Variants in TSNARE1 observed in about 807,000 individuals in gnomAD.
TSNARE1 encodes t-SNARE domain-containing protein 1.
TSNARE1 carries 49 observed loss-of-function variants against 62.0 expected under a neutral mutation model. The ratio of observed to expected loss-of-function variants is 0.79; its 90% confidence interval spans 0.63 to 1.00. TSNARE1 has a LOEUF of 1.00. TSNARE1 is among the 50% of genes least tolerant of loss of function. TSNARE1 has a pLI of 0.00. For missense variants in TSNARE1, 755 were observed against 700.1 expected (o/e 1.08, Z -0.88); for synonymous variants, 328 against 294.4 (o/e 1.11, Z -1.17).
intron 1 of TSNARE1, among the ~76,000 whole-genome samples, chr8:142,369,233 C>T (rs1406055481): frequency 6.6e-6 from 1 of 152,092 alleles, no homozygotes; most frequent in African/African-American, 2.4e-5. Flanking sequence ...CCACCTTGAA[C>T]CCAAAGTAGC....
At chr8:142,217,171 G>A (rs186116603) in intron 13 of TSNARE1, among the ~76,000 whole-genome samples, 1 of 152,046 alleles carries the variant, frequency 6.6e-6, no homozygotes, top group Non-Finnish European at 1.5e-5. Flanking sequence ...TGAACCCTGG[G>A]AGGTGGAGGT....
chr8:142,359,095 C>A (rs1010537228), intron 1 of TSNARE1, among the ~76,000 whole-genome samples: 1 of 152,114 alleles, frequency 6.6e-6, no homozygotes, highest in Non-Finnish European at 1.5e-5. Context: ...TTCACCCAGG[C>A]TGTTACTCGG....
intron 11 of TSNARE1, chr8:142,278,282 C>A: frequency 1.0e-6 from 1 of 985,466 alleles, no homozygotes; most frequent in Non-Finnish European, 1.2e-6. Flanking sequence ...CCTCATGCAC[C>A]GCTGTGAGCA....
chr8:142,249,786 C>T (rs1457398825), intron 12 of TSNARE1, among the ~76,000 whole-genome samples: 9 of 152,198 alleles, frequency 5.9e-5, no homozygotes, highest in African/African-American at 2.2e-4. Context: ...CCTCCCTCTC[C>T]CTCACTACCT....
intron 13 of TSNARE1, among the ~76,000 whole-genome samples, chr8:142,216,625 G>T (rs910042778): frequency 6.6e-6 from 1 of 152,168 alleles, no homozygotes; most frequent in African/African-American, 2.4e-5. Flanking sequence ...CGGGGCACAG[G>T]GCTCTGCCTC....
At chr8:142,250,277 TGGG>T (rs1563776293) in intron 12 of TSNARE1, among the ~76,000 whole-genome samples, 1 of 152,040 alleles carries the variant, frequency 6.6e-6, no homozygotes, top group Non-Finnish European at 1.5e-5. Context: ...TTGGGGGACA[TGGG>T]GGAGCTCTTC....
chr8:142,371,919 T>A (rs1431505666), intron 1 of TSNARE1, among the ~76,000 whole-genome samples: 1 of 152,144 alleles, frequency 6.6e-6, no homozygotes, highest in Non-Finnish European at 1.5e-5. Flanking sequence ...TTTTGTACCA[T>A]GGGGCAGAGC....
At chr8:142,245,915 A>G (rs1257580813) in intron 12 of TSNARE1, among the ~76,000 whole-genome samples, 1 of 152,186 alleles carries the variant, frequency 6.6e-6, no homozygotes, top group Non-Finnish European at 1.5e-5. Context: ...CTCATGCAAC[A>G]ACAATACTGA....
At chr8:142,254,003 CAG>C (rs1563779335) in intron 12 of TSNARE1, among the ~76,000 whole-genome samples, 2 of 152,240 alleles carry the variant, frequency 1.3e-5, no homozygotes, top group Non-Finnish European at 2.9e-5. Context: ...AAGCCTTTTC[CAG>C]AAGACAGAAA....
chr8:142,323,293 G>A (rs1003651455), intron 6 of TSNARE1, among the ~76,000 whole-genome samples: 2 of 152,220 alleles, frequency 1.3e-5, no homozygotes, highest in African/African-American at 4.8e-5. Context: ...AGGGGTATGA[G>A]AGGAGGAGAT....
rs143626751 is a variant in TSNARE1, at chr8:142,354,636, C to T, written c.88+1G>A. ...CCCCCACTTCCAGCTACTATCATTA[C>T]CTAGGGGCTGACAGCCTTGTCTCGA... On this transcript the variant is annotated splice_donor_variant, in intron 2 of 13. Coordinates refer to ENST00000524325, the MANE Select transcript of TSNARE1 (RefSeq NM_145003.5). LOFTEE classifies it high-confidence loss of function. 17 of 1,608,526 alleles carry T rather than the reference C, an allele frequency of 1.1e-5. No individual in the cohort carries two copies. In the African/African-American group the frequency reaches 2.3e-4, roughly 22 times the overall value.
At chr8:142,277,057 G>A (rs1563808533) in intron 11 of TSNARE1, 2 of 985,386 alleles carry the variant, frequency 2.0e-6, no homozygotes, top group Non-Finnish European at 2.4e-6. Flanking sequence ...GGGACCTGTG[G>A]TACTGAGCGA....
chr8:142,258,903 G>A (rs1272003759), intron 12 of TSNARE1, among the ~76,000 whole-genome samples: 1 of 152,182 alleles, frequency 6.6e-6, no homozygotes, highest in Non-Finnish European at 1.5e-5. Context: ...CAGATGCAGG[G>A]CACGGTGCCA....
chr8:142,226,280 G>T (rs538874293), intron 13 of TSNARE1, among the ~76,000 whole-genome samples: 86 of 152,284 alleles, frequency 5.6e-4, no homozygotes, highest in African/African-American at 2.0e-3. Context: ...AGAGGGGTGG[G>T]CACTGCTCAG....
At chr8:142,308,365 G>A (rs1017767192) in intron 9 of TSNARE1, among the ~76,000 whole-genome samples, 3 of 152,174 alleles carry the variant, frequency 2.0e-5, no homozygotes, top group Admixed American at 6.5e-5. Context: ...TAGTCCGGCT[G>A]GAAGTGCTTT....
rs143508695 is a variant in TSNARE1, at chr8:142,284,120, G to C, written c.1363+293C>G. ...GGCGGGGCCAGTGTCTGTCAATGAG[G>C]AGAGGCAGGGCCAGTGTCTGTCAAT... On this transcript the variant is annotated intron_variant, in intron 11 of 13. Transcript: ENST00000524325. Among the ~76,000 whole-genome samples, 30 of 103,570 alleles carry C rather than the reference G, an allele frequency of 2.9e-4. 6 individuals are homozygous for C. Among genetic ancestry groups the C allele is most frequent in the South Asian group, 1.2e-3 (3 of 2,596 alleles). The allele number at this position is 103,570 out of a possible 152,430, so 67.9% of individuals were successfully genotyped here.
intron 1 of TSNARE1, among the ~76,000 whole-genome samples, chr8:142,399,755 C>A (rs1838149606): frequency 6.6e-6 from 1 of 152,222 alleles, no homozygotes; most frequent in Non-Finnish European, 1.5e-5. Context: ...GCTCAGGAGT[C>A]TGCTACTATG....
chr8:142,345,918 A>T (rs750907494), intron 2 of TSNARE1, 26 bp from the exon 3 acceptor site: 1 of 1,604,892 alleles, frequency 6.2e-7, no homozygotes, highest in Non-Finnish European at 8.5e-7. Flanking sequence ...GACAGTCACG[A>T]TTACTCTCAG....
At chr8:142,281,502 G>A (rs534066539) in intron 11 of TSNARE1, among the ~76,000 whole-genome samples, 1 of 151,998 alleles carries the variant, frequency 6.6e-6, no homozygotes, top group Non-Finnish European at 1.5e-5. Flanking sequence ...GCACAGGCAG[G>A]CCAGGGCTGC....
Sources: gnomAD v4.1 joint callset for allele counts (sites outside exome capture counted in the v4.1 genomes callset) on GRCh38, gnomAD v4.1.1 for gene constraint, MANE v1.5 for transcripts, NCBI Gene and HGNC (gene_info 2026-07-23, HGNC 2026-07-21) for gene names.